Variants in PCDH15 observed in about 807,000 individuals in gnomAD.
PCDH15 encodes protocadherin-15.
A neutral mutation model predicts 178.5 loss-of-function variants in PCDH15; 129 were observed. That is an observed-to-expected ratio of 0.72 (90% CI 0.63 to 0.84). The LOEUF is 0.84. PCDH15 is among the 40% of genes least tolerant of loss of function. PCDH15 has a pLI of 0.00. For synonymous variants in PCDH15, 800 were observed against 732.0 expected (o/e 1.09, Z -1.50); for missense variants, 2,230 against 2,099.9 (o/e 1.06, Z -1.21).
chr10:54,795,431 A>G (rs553258467), intron 1 of PCDH15, among the ~76,000 whole-genome samples: 2 of 151,964 alleles, frequency 1.3e-5, no homozygotes, highest in South Asian at 4.1e-4. Context: ...GCAAATCAAT[A>G]CCACCATTCT....
chr10:55,387,497 G>A (rs544796296), intron 2 of PCDH15, among the ~76,000 whole-genome samples: 7 of 152,158 alleles, frequency 4.6e-5, no homozygotes, highest in Admixed American at 4.6e-4. Flanking sequence ...TGTCAACTGT[G>A]CTACATAACA....
chr10:54,866,232 C>CT (rs1349878850), intron 3 of PCDH15, among the ~76,000 whole-genome samples: 3 of 152,188 alleles, frequency 2.0e-5, no homozygotes, highest in South Asian at 2.1e-4. Flanking sequence ...GAAGGTATTG[C>CT]TTTTTTTCAT....
chr10:54,194,310 G>A (rs1252974036), intron 11 of PCDH15, among the ~76,000 whole-genome samples: 2 of 152,038 alleles, frequency 1.3e-5, no homozygotes, highest in Non-Finnish European at 2.9e-5. Context: ...CCTTATGAGT[G>A]ACATGTATTT....
chr10:54,652,318 T>C (rs2094280680), intron 2 of PCDH15, among the ~76,000 whole-genome samples: 1 of 152,194 alleles, frequency 6.6e-6, no homozygotes, highest in African/African-American at 2.4e-5. Flanking sequence ...GGCTTGCATC[T>C]GAGCACTCTG....
chr10:54,379,605 T>C (rs1483297639), intron 3 of PCDH15, among the ~76,000 whole-genome samples: 2 of 152,098 alleles, frequency 1.3e-5, no homozygotes, highest in East Asian at 3.9e-4. Flanking sequence ...AGCTGAATTG[T>C]AGACAGTTTT....
intron 2 of PCDH15, among the ~76,000 whole-genome samples, chr10:54,610,923 C>G (rs7096402): frequency 0.95 from 144,076 of 151,834 alleles, 68,492 homozygotes; most frequent in Middle Eastern, 0.98. Context: ...TTTTTATTTT[C>G]TTTTGTTTCA....
chr10:55,162,433 G>T (rs191468704), intron 2 of PCDH15, among the ~76,000 whole-genome samples: 1 of 152,022 alleles, frequency 6.6e-6, no homozygotes, highest in Non-Finnish European at 1.5e-5. Flanking sequence ...TCATTTAACC[G>T]AACAGTAGGG....
At chr10:55,375,534 T>C in intron 2 of PCDH15, among the ~76,000 whole-genome samples, 1 of 152,142 alleles carries the variant, frequency 6.6e-6, no homozygotes, top group East Asian at 1.9e-4. Flanking sequence ...AAAGTCTTTG[T>C]TCTTTTGCAT....
At chr10:54,773,803 A>G (rs887204134) in intron 1 of PCDH15, among the ~76,000 whole-genome samples, 2 of 152,118 alleles carry the variant, frequency 1.3e-5, no homozygotes, top group Non-Finnish European at 2.9e-5. Flanking sequence ...CTAAAATACC[A>G]AGAAAATATC....
intron 2 of PCDH15, among the ~76,000 whole-genome samples, chr10:54,933,032 GA>G (rs1416692000): frequency 6.6e-6 from 1 of 151,996 alleles, no homozygotes; most frequent in Non-Finnish European, 1.5e-5. Flanking sequence ...GATATGTTTA[GA>G]AACACAAATA....
intron 1 of PCDH15, among the ~76,000 whole-genome samples, chr10:55,272,241 AACT>A (rs1254487524): frequency 6.6e-6 from 1 of 152,012 alleles, no homozygotes; most frequent in East Asian, 1.9e-4. Flanking sequence ...AAAACAAAAC[AACT>A]AAGATTTTTT....
chr10:54,887,919 A>C (rs536517344), intron 3 of PCDH15, among the ~76,000 whole-genome samples: 1 of 152,272 alleles, frequency 6.6e-6, no homozygotes, highest in Non-Finnish European at 1.5e-5. Context: ...TAGATGTCAT[A>C]TTCTGCTCTC....
chr10:55,603,168 C>T (rs868702679), intron 2 of PCDH15, among the ~76,000 whole-genome samples: 19 of 151,778 alleles, frequency 1.3e-4, no homozygotes, highest in South Asian at 6.3e-4. Context: ...TGAAATGAAG[C>T]GAGAAGGGAA....
At chr10:54,411,408 C>T (rs1311689625) in intron 3 of PCDH15, among the ~76,000 whole-genome samples, 1 of 152,094 alleles carries the variant, frequency 6.6e-6, no homozygotes, top group Non-Finnish European at 1.5e-5. Flanking sequence ...TAACTGTAAG[C>T]CCTTGTTCAG....
intron 10 of PCDH15, among the ~76,000 whole-genome samples, chr10:54,206,993 A>G (rs1686618927): frequency 2.6e-5 from 4 of 152,090 alleles, no homozygotes; most frequent in African/African-American, 9.7e-5. Flanking sequence ...TGCAGACAAG[A>G]AGGCCTTGGC....
intron 2 of PCDH15, among the ~76,000 whole-genome samples, chr10:55,626,452 G>C (rs2132177619): frequency 6.6e-6 from 1 of 152,288 alleles, no homozygotes; most frequent in East Asian, 1.9e-4. Context: ...ATGGAACCAA[G>C]TATTTCAAGA....
chr10:55,407,163 G>A (rs780878940), intron 2 of PCDH15, among the ~76,000 whole-genome samples: 1 of 151,610 alleles, frequency 6.6e-6, no homozygotes, highest in Non-Finnish European at 1.5e-5. Flanking sequence ...TGTAGAAAAT[G>A]TGAACAGAGA....
intron 32 of PCDH15, chr10:53,823,692 A>C (rs2076473722): frequency 2.1e-6 from 1 of 466,962 alleles, no homozygotes; most frequent in Non-Finnish European, 4.2e-6. Context: ...CAGTTCCCTT[A>C]TGCACAAATC....
chr10:53,839,076 C>T (rs1305549959), intron 29 of PCDH15, among the ~76,000 whole-genome samples: 2 of 151,504 alleles, frequency 1.3e-5, no homozygotes, highest in African/African-American at 4.8e-5. Flanking sequence ...TGGTGGCGGG[C>T]GCCTGTAGTC....
Sources: allele counts gnomAD v4.1 joint callset (sites outside exome capture counted in the v4.1 genomes callset), GRCh38; gene constraint gnomAD v4.1.1; transcripts MANE v1.5; gene names NCBI Gene and HGNC (gene_info 2026-07-23, HGNC 2026-07-21).